The following NEGR1 variants were observed in gnomAD, a reference collection of about 807,000 sequenced individuals.
The protein encoded by NEGR1 is IgLON family member 4.
NEGR1 carries 10 observed loss-of-function variants against 40.9 expected under a neutral mutation model. That is an observed-to-expected ratio of 0.24 (90% CI 0.15 to 0.42). NEGR1 has a LOEUF of 0.42. Among genes scored for constraint, NEGR1 ranks in the 10% least tolerant of loss-of-function variants. The probability of loss-of-function intolerance (pLI) is 1.00; values close to 1 mark genes in which losing one functional copy is unlikely to be tolerated. For synonymous variants in NEGR1, 185 were observed against 166.8 expected (o/e 1.11, Z -0.84); for missense variants, 352 against 438.9 (o/e 0.80, Z 1.77).
At chr1:72,052,234 A>C (rs1247181092) in intron 1 of NEGR1, among the ~76,000 whole-genome samples, 1 of 151,456 alleles carries the variant, frequency 6.6e-6, no homozygotes, top group Non-Finnish European at 1.5e-5. Context: ...AGCCTTGTCA[A>C]ATTATTCCAG....
intron 1 of NEGR1, among the ~76,000 whole-genome samples, chr1:72,173,584 T>C (rs1652045371): frequency 6.6e-6 from 1 of 151,998 alleles, no homozygotes; most frequent in Admixed American, 6.6e-5. Context: ...CAGATCTTGA[T>C]TACACATCTC....
At chr1:71,991,102 C>T (rs1325679473) in intron 1 of NEGR1, among the ~76,000 whole-genome samples, 3 of 151,916 alleles carry the variant, frequency 2.0e-5, no homozygotes, top group Admixed American at 6.6e-5. Flanking sequence ...TTATTCCCTG[C>T]TCAACTTCTC....
intron 3 of NEGR1, among the ~76,000 whole-genome samples, chr1:71,705,352 G>T (rs1653852554): frequency 6.6e-6 from 1 of 152,078 alleles, no homozygotes; most frequent in South Asian, 2.1e-4. Flanking sequence ...AAGGTGTTTA[G>T]ATATTACACA....
chr1:71,792,639 C>T (rs1469485712), intron 2 of NEGR1, among the ~76,000 whole-genome samples: 1 of 152,046 alleles, frequency 6.6e-6, no homozygotes, highest in African/African-American at 2.4e-5. Context: ...AGCAGAGTCA[C>T]CAGCTGATGA....
At chr1:72,206,002 G>A (rs1397824784) in intron 1 of NEGR1, among the ~76,000 whole-genome samples, 2 of 150,570 alleles carry the variant, frequency 1.3e-5, no homozygotes, top group South Asian at 4.2e-4. Flanking sequence ...TGTCAAACAT[G>A]TAGCAAGTGG....
At chr1:71,940,368 A>G (rs760951302) in intron 1 of NEGR1, among the ~76,000 whole-genome samples, 1 of 152,180 alleles carries the variant, frequency 6.6e-6, no homozygotes, top group Non-Finnish European at 1.5e-5. Flanking sequence ...AACAGTTCCA[A>G]AAATACACTC....
chr1:71,764,345 C>T (rs1252899404), intron 3 of NEGR1, among the ~76,000 whole-genome samples: 15 of 152,108 alleles, frequency 9.9e-5, no homozygotes, highest in Admixed American at 9.8e-4. Context: ...TTGGAAGTTG[C>T]TGTTTGATAT....
intron 6 of NEGR1, among the ~76,000 whole-genome samples, chr1:71,591,303 A>T (rs548442386): frequency 6.6e-6 from 1 of 152,270 alleles, no homozygotes; most frequent in Admixed American, 6.5e-5. Flanking sequence ...ATTTCCAGAC[A>T]TTTGTGTTAA....
At chr1:71,909,926 G>A (rs948473669) in intron 2 of NEGR1, among the ~76,000 whole-genome samples, 1 of 152,140 alleles carries the variant, frequency 6.6e-6, no homozygotes, top group Non-Finnish European at 1.5e-5. Flanking sequence ...TCTATAAATA[G>A]TATAGAGATT....
At chr1:72,266,469 G>A (rs1302401137) in intron 1 of NEGR1, among the ~76,000 whole-genome samples, 1 of 150,708 alleles carries the variant, frequency 6.6e-6, no homozygotes, top group African/African-American at 2.4e-5. Flanking sequence ...GGCCTTAAGA[G>A]ATACAAAGGC....
intron 3 of NEGR1, among the ~76,000 whole-genome samples, chr1:71,721,084 T>G (rs186551263): frequency 2.0e-5 from 3 of 152,290 alleles, no homozygotes; most frequent in African/African-American, 7.2e-5. Context: ...TCAACACAAG[T>G]CATTGACCCT....
intron 2 of NEGR1, among the ~76,000 whole-genome samples, chr1:71,841,553 GACAAATA>G (rs1659238837): frequency 6.6e-6 from 1 of 152,018 alleles, no homozygotes; most frequent in Non-Finnish European, 1.5e-5. Context: ...CCCCACTGGG[GACAAATA>G]CACTGTCATG....
chr1:71,433,982 C>T (rs766238302), intron 6 of NEGR1, among the ~76,000 whole-genome samples: 28 of 152,142 alleles, frequency 1.8e-4, no homozygotes, highest in Non-Finnish European at 4.0e-4. Context: ...CAGTAATAAG[C>T]TAATAAGTTA....
chr1:71,705,039 T>C (rs190014746), intron 3 of NEGR1, among the ~76,000 whole-genome samples: 2 of 151,304 alleles, frequency 1.3e-5, no homozygotes, highest in East Asian at 2.0e-4. Context: ...AGATAATTCA[T>C]TGAAAAATTC....
intron 2 of NEGR1, among the ~76,000 whole-genome samples, chr1:71,885,421 G>A (rs1460384384): frequency 6.6e-6 from 1 of 152,160 alleles, no homozygotes; most frequent in African/African-American, 2.4e-5. Context: ...TTTCTTGCAG[G>A]ACATCTACTT....
At chr1:72,098,222 C>A (rs1432139479) in intron 1 of NEGR1, among the ~76,000 whole-genome samples, 1 of 152,070 alleles carries the variant, frequency 6.6e-6, no homozygotes, top group Admixed American at 6.5e-5. Context: ...CTGTATAGAC[C>A]TGGACTGATC....
At chr1:71,701,732 C>A (rs1037015288) in intron 3 of NEGR1, among the ~76,000 whole-genome samples, 1 of 151,932 alleles carries the variant, frequency 6.6e-6, no homozygotes, top group Non-Finnish European at 1.5e-5. Flanking sequence ...GTTCTACTTG[C>A]ATATACAAAT....
intron 6 of NEGR1, among the ~76,000 whole-genome samples, chr1:71,582,451 A>G (rs1249371551): frequency 1.3e-5 from 2 of 152,176 alleles, no homozygotes; most frequent in Non-Finnish European, 2.9e-5. Flanking sequence ...CTCTAGAACT[A>G]TAAAATGGAG....
At chr1:72,139,553 C>T (rs1278686275) in intron 1 of NEGR1, among the ~76,000 whole-genome samples, 1 of 151,988 alleles carries the variant, frequency 6.6e-6, no homozygotes, top group Non-Finnish European at 1.5e-5. Flanking sequence ...TGAATTAACT[C>T]TTTTAAAGAA....
Sources: allele counts gnomAD v4.1 joint callset (sites outside exome capture counted in the v4.1 genomes callset), GRCh38; gene constraint gnomAD v4.1.1; transcripts MANE v1.5; gene names NCBI Gene and HGNC (gene_info 2026-07-23, HGNC 2026-07-21).